The following PHF10 variants were observed in gnomAD, a reference collection of about 807,000 sequenced individuals.
The protein encoded by PHF10 is BRG1-associated factor 45a.
PHF10 carries 51 observed loss-of-function variants against 68.5 expected under a neutral mutation model. That is an observed-to-expected ratio of 0.74 (90% confidence interval 0.59 to 0.94). PHF10 has a LOEUF of 0.94. Ranked by LOEUF, PHF10 falls within the 40% of genes least tolerant of loss-of-function variation. PHF10 has a pLI of 0.00. For missense variants in PHF10, 460 were observed against 602.6 expected, an observed-to-expected ratio of 0.76 and a Z score of 2.48; for synonymous variants, 204 against 203.5, an observed-to-expected ratio of 1.00 and a Z score of -0.02.
At chr6:169,705,003 C>G (rs775133903) in intron 11 of PHF10, 130 bp downstream of exon 11, 4 of 585,880 alleles carry the variant, frequency 6.8e-6, no homozygotes, top group African/African-American at 3.8e-5. Context: ...TGTATAATCA[C>G]AGCTTTGGTC....
At chr6:169,722,223 G>A (rs561637699) in intron 1 of PHF10, among the ~76,000 whole-genome samples, 47 of 152,248 alleles carry the variant, frequency 3.1e-4, no homozygotes, top group African/African-American at 1.1e-3. Context: ...GGAATTAACT[G>A]GTTCTTTTCC....
rs55829134 is a variant in PHF10 at position 169,706,727 on chromosome 6, TACACACACACACACACACAC to T, written c.1114-1023_1114-1004del. Among the ~76,000 whole-genome samples the T allele has an allele frequency of 4.4e-3, 559 of 127,464 alleles. 2 individuals carry two copies. Among genetic ancestry groups the T allele is most frequent in the African/African-American group, 0.011 (386 of 35,072 alleles). 83.6% of individuals were successfully genotyped at this position (127,464 alleles called of 152,430 possible). On this transcript the variant is annotated intron_variant, in intron 9 of 11. Coordinates refer to ENST00000339209, the MANE Select transcript of PHF10 (RefSeq NM_018288.4). ...GGGTAAGGGGACATACATACATACA[TACACACACACACACACACAC>T]ACACACACACACACACACACACACA...
intron 6 of PHF10, 48 bp downstream of exon 6, chr6:169,715,660 A>G: frequency 6.6e-7 from 1 of 1,511,014 alleles, no homozygotes; most frequent in African/African-American, 1.4e-5. Flanking sequence ...CTCTGCAATA[A>G]CAAGTAATAA....
In PHF10 at chr6:169,710,232, C is replaced by T; in HGVS notation, c.1113+4G>A. 2 of 1,578,580 alleles carry T rather than the reference C, an allele frequency of 1.3e-6. No individual in the cohort carries two copies. The highest frequency in any genetic ancestry group is 2.8e-5 in the African/African-American group (2 of 72,724). The stretch of plus-strand genomic sequence containing the variant: ...AAGCTGAGTCAGGGGCTTTTTTCTT[C>T]TACCTTGTACCCAGGAACTGACTTG... On this transcript the variant is annotated splice_donor_region_variant and intron_variant, in intron 9 of 11. Transcript: ENST00000339209.
chr6:169,721,440 G>A (rs1336204344), intron 1 of PHF10, among the ~76,000 whole-genome samples: 1 of 152,160 alleles, frequency 6.6e-6, no homozygotes, highest in Non-Finnish European at 1.5e-5. Flanking sequence ...AAAATGTATG[G>A]ATCATTTACA....
chr6:169,712,759 A>G (rs1379255505), intron 7 of PHF10, among the ~76,000 whole-genome samples: 1 of 152,156 alleles, frequency 6.6e-6, no homozygotes, highest in Non-Finnish European at 1.5e-5. Context: ...TCTTACTAAG[A>G]GATAATGTGC....
intron 1 of PHF10, among the ~76,000 whole-genome samples, chr6:169,722,466 T>A (rs1789202882): frequency 6.6e-6 from 1 of 152,188 alleles, no homozygotes; most frequent in Admixed American, 6.5e-5. Flanking sequence ...AACATTTTCC[T>A]TTAGCTAAAA....
chr6:169,706,352 T>G (rs527478461), intron 9 of PHF10, among the ~76,000 whole-genome samples: 1 of 152,178 alleles, frequency 6.6e-6, no homozygotes, highest in South Asian at 2.1e-4. Flanking sequence ...GAATCTATAC[T>G]TAGAAAGATT....
rs182069716 is a variant in PHF10 at position 169,703,917 on chromosome 6, A to G, written c.*86T>C. ...TTTAAGCTCATAATTTGCAAAAAAA[A>G]TCTTTTATTGGCATGAAAATAATGT... On this transcript the variant is annotated 3_prime_UTR_variant, in exon 12 of 12. Transcript: ENST00000339209. 2 of 1,130,538 alleles carry G rather than the reference A, an allele frequency of 1.8e-6. No individual in the cohort carries two copies. The highest frequency in any genetic ancestry group is 2.5e-6 in the Non-Finnish European group (2 of 801,130). The allele number at this position is 1,130,538 out of a possible 1,614,324, so 70.0% of individuals were successfully genotyped here.
At chr6:169,716,266 C>T (rs892718780) in intron 4 of PHF10, among the ~76,000 whole-genome samples, 178 bp from the exon 5 acceptor site, 9 of 152,018 alleles carry the variant, frequency 5.9e-5, no homozygotes, top group African/African-American at 1.7e-4. Context: ...AATATAAACT[C>T]GAGCAATCAA....
At chr6:169,718,616 TATA>T (rs1402624237) in intron 3 of PHF10, among the ~76,000 whole-genome samples, 169 bp downstream of exon 3, 5 of 152,226 alleles carry the variant, frequency 3.3e-5, no homozygotes, top group African/African-American at 1.2e-4. Flanking sequence ...TGCAGTGAGC[TATA>T]ATCGCACCAG....
rs1461231371 is a variant in PHF10, at chr6:169,704,004, T to C, written c.1496A>G (p.Ter499=). 6 of 1,598,762 alleles carry C rather than the reference T, an allele frequency of 3.8e-6. No homozygotes were observed. Among genetic ancestry groups the C allele is most frequent in the South Asian group, 1.1e-5 (1 of 87,440 alleles). The part of the protein sequence containing the change: ...GRRGKNSKEG[*] ...ACAGTATTAGAGTCAAAAACTATTT[T>C]ATCCCTCTTTGCTGTTTTTCCCCCT... Residue 499 remains the stop codon, a stop_retained_variant, in exon 12 of 12, where the codon TAA becomes TGA. Transcript: ENST00000339209.
At position 169,714,989 on chromosome 6, in the gene PHF10, G is replaced by C. The variant is rs991120129; in HGVS notation, c.694-147C>G. On this transcript the variant is annotated intron_variant, in intron 6 of 11. Transcript: ENST00000339209. ...AGATATCAGGAGCTATAACCTAAGA[G>C]GACAGTTGGTGCTTTCAGTTCTATA... 8.0e-6 allele frequency: 5 copies of C among 624,218 alleles called. No homozygotes were observed. The African/African-American group carries it at 9.2e-5, about 12-fold the overall frequency. 38.7% of individuals were successfully genotyped at this position (624,218 alleles called of 1,614,324 possible).
At chr6:169,706,096 A>T (rs1343748964) in intron 9 of PHF10, among the ~76,000 whole-genome samples, 10 of 152,190 alleles carry the variant, frequency 6.6e-5, no homozygotes, top group Non-Finnish European at 1.5e-4. Context: ...ACTTACTCTA[A>T]AAAGACCATT....
chr6:169,706,067 AATGACCATT>A (rs1217709288), intron 9 of PHF10, among the ~76,000 whole-genome samples: 7 of 152,218 alleles, frequency 4.6e-5, no homozygotes, highest in African/African-American at 1.7e-4. Context: ...CCAAGTAGCA[AATGACCATT>A]ATGTGTAAGA....
chr6:169,723,852 G>A lies in PHF10; in HGVS notation c.80C>T (p.Ser27Phe). 1 of 1,080,010 alleles carries A rather than the reference G, an allele frequency of 9.3e-7. No homozygotes were observed. The highest frequency in any genetic ancestry group is 4.4e-5 in the South Asian group (1 of 22,550). The allele number at this position is 1,080,010 out of a possible 1,614,324, so 66.9% of individuals were successfully genotyped here. ...DSDPATPGAQ[S>F]PKDDNEDNSN... is the part of the protein sequence containing the mutation. The stretch of plus-strand genomic sequence containing the variant: ...CACCGGCCGCTTCCTCACCTTCGGG[G>A]ACTGCGCTCCGGGGGTGGCTGGGTC... Residue 27 changes from serine to phenylalanine, a missense_variant, in exon 1 of 12, where the codon TCC becomes TTC. Transcript: ENST00000339209.
chr6:169,715,861 G>GAA lies in PHF10; in HGVS notation c.544-6_544-5dup. The stretch of plus-strand genomic sequence containing the variant: ...GAGTATTCTGTTGTTGCATTTGCTG[G>GAA]AAAAAAAAAATACAGTTGGAAGTCA... On this transcript the variant is annotated splice_region_variant and splice_polypyrimidine_tract_variant and intron_variant, in intron 5 of 11. Transcript: ENST00000339209. 3 of 1,470,274 alleles carry GAA rather than the reference G, an allele frequency of 2.0e-6. No individual in the cohort carries two copies. The highest frequency in any genetic ancestry group is 1.8e-6 in the Non-Finnish European group (2 of 1,084,664). The allele number at this position is 1,470,274 out of a possible 1,614,324, so 91.1% of individuals were successfully genotyped here. A position where few individuals can be genotyped will look rare whatever the true frequency, so the allele number is the denominator to read the frequency against.
intron 2 of PHF10, 42 bp downstream of exon 2, chr6:169,720,963 G>T: frequency 9.6e-7 from 1 of 1,036,666 alleles, no homozygotes; most frequent in Non-Finnish European, 1.5e-6. Context: ...AGGCAAAGAG[G>T]AACATCACAA....
chr6:169,722,870 G>A (rs1789213395), intron 1 of PHF10, among the ~76,000 whole-genome samples: 1 of 152,170 alleles, frequency 6.6e-6, no homozygotes, highest in Non-Finnish European at 1.5e-5. Context: ...GGGGGCACTG[G>A]CTCAGTGCCC....
Sources: allele counts gnomAD v4.1 joint callset (sites outside exome capture counted in the v4.1 genomes callset), GRCh38; gene constraint gnomAD v4.1.1; transcripts MANE v1.5; gene names NCBI Gene and HGNC (gene_info 2026-07-23, HGNC 2026-07-21).